CFAP47: variants seen among roughly 807,000 people sequenced by gnomAD.
CFAP47 encodes cilia and flagella associated protein 47.
Under a neutral mutation model 148.1 loss-of-function variants are expected in CFAP47, and 29 were observed. That is an observed-to-expected ratio of 0.20 (90% CI 0.15 to 0.27). CFAP47 has a LOEUF of 0.27. Among genes scored for constraint, CFAP47 ranks in the 10% least tolerant of loss-of-function variants. The probability of loss-of-function intolerance (pLI) is 1.00; values close to 1 mark genes in which losing one functional copy is unlikely to be tolerated. For synonymous variants in CFAP47, 664 were observed against 577.3 expected (o/e 1.15, Z -2.15); for missense variants, 1,872 against 1,697.5 (o/e 1.10, Z -1.81).
At chrX:36,377,337 C>T (rs782010352) in intron 62 of CFAP47, among the ~76,000 whole-genome samples, 1 of 111,877 alleles carries the variant, frequency 8.9e-6, no homozygotes, top group East Asian at 2.8e-4. Context: ...GAGATGGTAT[C>T]TCATTATGGT....
chrX:36,094,933 G>A (rs776027637), intron 30 of CFAP47, among the ~76,000 whole-genome samples: 52 of 110,779 alleles, frequency 4.7e-4, no homozygotes, highest in Non-Finnish European at 8.9e-4. Flanking sequence ...GATGAAAGTG[G>A]GCATCCTTGT....
chrX:35,987,327 G>T (rs1436004915), intron 15 of CFAP47, among the ~76,000 whole-genome samples: 1 of 111,643 alleles, frequency 9.0e-6, no homozygotes, highest in African/African-American at 3.3e-5. Context: ...AGAATCTAGA[G>T]AGGCAGTCCA....
Position 35,970,779 on chromosome X carries a change from C to A in CFAP47, c.1826C>A (p.Thr609Lys). ...TGCTTATATTGCAGGCCAATTTTCACAAAAGTTCCAAGATTTAACTATGTG... is the reference window on the plus strand; with the variant it reads ...TGCTTATATTGCAGGCCAATTTTCAAAAAAGTTCCAAGATTTAACTATGTG... The part of the protein sequence containing the change: ...DHHKHFRPIF[T>K]KVPRFNYVNH... The change falls in exon 11 of 64, where the codon ACA becomes AAA. Residue 609 changes from threonine to lysine, a missense_variant. Thr to Lys is a moderately conservative substitution (Grantham distance 78). Transcript: ENST00000378653. 2 of 1,165,873 alleles carry A rather than the reference C, an allele frequency of 1.7e-6. No homozygotes were observed. The highest frequency in any genetic ancestry group is 1.1e-6 in the Non-Finnish European group (1 of 875,069).
chrX:36,056,413 G>T (rs779083831), intron 26 of CFAP47, among the ~76,000 whole-genome samples: 1 of 111,536 alleles, frequency 9.0e-6, no homozygotes, highest in Non-Finnish European at 1.9e-5. Flanking sequence ...AAAGGGCTTC[G>T]CAGACTTACA....
rs772089087 is a variant in CFAP47 at position 35,924,413 on chromosome X, G to A, written c.250-1604G>A. On this transcript the variant is annotated intron_variant, in intron 1 of 63. Coordinates refer to ENST00000378653, the MANE Select transcript of CFAP47 (RefSeq NM_001304548.2). ...TGTGTATATATGCACACACATATGT[G>A]TATATGCACACATATGTGTATATAT... 3.0e-5 allele frequency among the ~76,000 whole-genome samples: 3 copies of A among 99,971 alleles called. No homozygotes were observed. The East Asian group carries it at 9.5e-4, about 32-fold the overall frequency. 86.8% of individuals were successfully genotyped at this position (99,971 alleles called of 115,157 possible).
chrX:36,377,015 G>T (rs782298268), intron 62 of CFAP47, among the ~76,000 whole-genome samples: 12 of 111,086 alleles, frequency 1.1e-4, no homozygotes, highest in Non-Finnish European at 2.3e-4. Flanking sequence ...TCTTAATCCA[G>T]TCTATCATTG....
intron 55 of CFAP47, among the ~76,000 whole-genome samples, chrX:36,309,871 G>A (rs923484898): frequency 4.5e-5 from 5 of 111,147 alleles, no homozygotes; most frequent in Non-Finnish European, 9.5e-5. Context: ...TTTGTATTAT[G>A]CTAGTCAAAT....
rs1050156253 is a variant in CFAP47, at chrX:36,303,043, C to A, written c.7971-806C>A. Among the ~76,000 whole-genome samples, 7 of 112,040 alleles carry A rather than the reference C, an allele frequency of 6.2e-5. No homozygotes were observed. In the East Asian group the frequency reaches 8.5e-4, roughly 14 times the overall value. On this transcript the variant is annotated intron_variant, in intron 53 of 63. Coordinates refer to ENST00000378653, the MANE Select transcript of CFAP47 (RefSeq NM_001304548.2). ...GGGTTGCCATTACAGGCATCATAAA[C>A]TGGGTGGCTTAAGACCACAAAAATG...
intron 26 of CFAP47, among the ~76,000 whole-genome samples, chrX:36,049,486 T>TCACA (rs1335410550): frequency 1.7e-3 from 110 of 64,538 alleles, no homozygotes; most frequent in Admixed American, 9.2e-3. Flanking sequence ...TATTTCTCTC[T>TCACA]CTCACACACA....
At chrX:36,183,726 T>C (rs6653961) in intron 40 of CFAP47, among the ~76,000 whole-genome samples, 1,861 of 111,940 alleles carry the variant, frequency 0.017, 50 homozygotes, top group African/African-American at 0.056. Context: ...ACACATTTTA[T>C]GTTGTGGGGA....
chrX:36,192,310 G>A (rs1309140931), intron 42 of CFAP47, among the ~76,000 whole-genome samples: 1 of 111,411 alleles, frequency 9.0e-6, no homozygotes, highest in African/African-American at 3.3e-5. Flanking sequence ...ATGGAATGGA[G>A]CAAATTAGGT....
chrX:36,336,615 A>G (rs1556014898), intron 57 of CFAP47, among the ~76,000 whole-genome samples: 1 of 111,793 alleles, frequency 8.9e-6, no homozygotes. Context: ...ATTTATATTT[A>G]TATGATTGCT....
intron 29 of CFAP47, among the ~76,000 whole-genome samples, chrX:36,076,400 C>T (rs1204206329): frequency 1.0e-5 from 1 of 96,553 alleles, no homozygotes; most frequent in Admixed American, 1.2e-4. Flanking sequence ...ACAAACATCT[C>T]TTTTTTTTGC....
At chrX:35,981,976 G>T (rs1936651394) in intron 15 of CFAP47, among the ~76,000 whole-genome samples, 1 of 111,072 alleles carries the variant, frequency 9.0e-6, no homozygotes, top group Admixed American at 9.5e-5. Context: ...AATAGTGACA[G>T]ACACATGCGT....
At chrX:36,336,312 C>A (rs1247932243) in intron 57 of CFAP47, among the ~76,000 whole-genome samples, 2 of 107,187 alleles carry the variant, frequency 1.9e-5, no homozygotes, top group Non-Finnish European at 3.8e-5. Flanking sequence ...CACATTCTCC[C>A]CCAGCTGGTT....
intron 33 of CFAP47, among the ~76,000 whole-genome samples, chrX:36,127,753 T>A (rs773184110): frequency 8.1e-5 from 9 of 111,512 alleles, no homozygotes; most frequent in African/African-American, 2.6e-4. Flanking sequence ...TTTGTTTGTG[T>A]CCTCTCTTAT....
At chrX:36,328,831 A>AG (rs1220653447) in intron 57 of CFAP47, among the ~76,000 whole-genome samples, 1,432 of 108,736 alleles carry the variant, frequency 0.013, 19 homozygotes, top group African/African-American at 0.044. Flanking sequence ...AAAAAAAAAA[A>AG]AAAAGAAAAG....
intron 63 of CFAP47, among the ~76,000 whole-genome samples, chrX:36,383,075 T>C (rs1942092960): frequency 9.0e-6 from 1 of 111,318 alleles, no homozygotes; most frequent in African/African-American, 3.3e-5. Context: ...TAATGTTGTA[T>C]AGCTGTTTGG....
At chrX:36,235,837 C>G (rs909239063) in intron 46 of CFAP47, 97 bp from the exon 47 acceptor site, 35 of 362,511 alleles carry the variant, frequency 9.7e-5, no homozygotes, top group Non-Finnish European at 1.6e-4. Flanking sequence ...ATTAAAAATA[C>G]AATATATAAT....
Sources: allele counts gnomAD v4.1 joint callset (sites outside exome capture counted in the v4.1 genomes callset), GRCh38; gene constraint gnomAD v4.1.1; transcripts MANE v1.5; gene names NCBI Gene and HGNC (gene_info 2026-07-23, HGNC 2026-07-21).